Variants in IGSF3 observed in about 807,000 individuals in gnomAD.
The protein encoded by IGSF3 is glu-Trp-Ile EWI motif-containing protein 3.
A neutral mutation model predicts 114.4 loss-of-function variants in IGSF3; 23 were observed. The observed-to-expected ratio is 0.20, with a 90% CI of 0.14 to 0.28. IGSF3 has a LOEUF of 0.28. IGSF3 is among the 10% of genes least tolerant of loss of function. The pLI is 1.00. For synonymous variants in IGSF3, 571 were observed against 645.2 expected (o/e 0.88, Z 1.74); for missense variants, 1,172 against 1,591.5 (o/e 0.74, Z 4.48).
intron 2 of IGSF3, among the ~76,000 whole-genome samples, chr1:116,635,647 T>C (rs1485667735): frequency 4.6e-5 from 7 of 152,228 alleles, no homozygotes; most frequent in Non-Finnish European, 8.8e-5. Context: ...GCACAAAGAA[T>C]GTCATCTTCA....
In IGSF3 at chr1:116,584,074, AGC is replaced by A. The variant is rs1417550932; in HGVS notation, c.2848+569_2848+570del. Among the ~76,000 whole-genome samples the A allele has an allele frequency of 6.6e-6, 1 of 152,126 alleles. No homozygotes were observed. Among genetic ancestry groups the A allele is most frequent in the African/African-American group, 2.4e-5 (1 of 41,408 alleles). On this transcript the variant is annotated intron_variant, in intron 9 of 10. Coordinates refer to ENST00000369486, the MANE Select transcript of IGSF3 (RefSeq NM_001007237.3). This position sits in a 1 kb window ranked among gnomAD's most constrained non-coding sequence, Gnocchi z 5.8. Reference sequence around the variant, plus strand: ...TGTGGTGGCATGAGCCTGTAGTCCCAGCTACTTGGGAGACTGAGGCAGGAGAA... The same window carrying A: ...TGTGGTGGCATGAGCCTGTAGTCCCATACTTGGGAGACTGAGGCAGGAGAA...
chr1:116,596,960 CTA>C lies in IGSF3; in HGVS notation c.2029+2979_2029+2980del, dbSNP rs1414813365. On this transcript the variant is annotated intron_variant, in intron 7 of 10. Transcript: ENST00000369486. This position sits in a 1 kb window ranked among gnomAD's most constrained non-coding sequence, Gnocchi z 4.1. Reference sequence around the variant, plus strand: ...GTTGTTACTACCAGTAACACTAGTGCTATAACTCCTCCACATCATCAATCTAC... The same window carrying C: ...GTTGTTACTACCAGTAACACTAGTGCTAACTCCTCCACATCATCAATCTAC... Among the ~76,000 whole-genome samples the C allele has an allele frequency of 1.6e-4, 24 of 152,340 alleles. No homozygotes were observed. The highest frequency in any genetic ancestry group is 2.8e-4 in the Non-Finnish European group (19 of 68,020).
rs575601202 is a variant in IGSF3 at position 116,606,743 on chromosome 1, A to C, written c.1222+1199T>G. Among the ~76,000 whole-genome samples the C allele has an allele frequency of 7.9e-5, 12 of 152,330 alleles. No individual in the cohort carries two copies. In the South Asian group the frequency reaches 2.5e-3, roughly 32 times the overall value. On this transcript the variant is annotated intron_variant, in intron 5 of 10. Transcript: ENST00000369486. ...TTAAGGCAAGCACAGACTGACAGGA[A>C]AATAGTAAAGACAGTGGGCATTCAA...
Position 116,579,371 on chromosome 1 carries a change from C to A in IGSF3, c.3334+21G>T. On this transcript the variant is annotated intron_variant, in intron 10 of 10. Transcript: ENST00000369486. The surrounding 1 kb of genome is among the most constrained non-coding windows in gnomAD (Gnocchi z 6.4). Reference sequence around the variant, plus strand: ...GTTGGAACCAACAGTGACATCCTCCCTCTGTACTTGGGAAACTCACTTGTA... The same window carrying A: ...GTTGGAACCAACAGTGACATCCTCCATCTGTACTTGGGAAACTCACTTGTA... 6.5e-7 allele frequency: 1 copy of A among 1,533,682 alleles called. No homozygotes were observed. The highest frequency in any genetic ancestry group is 1.3e-5 in the South Asian group (1 of 77,720).
At position 116,593,038 on chromosome 1, in the gene IGSF3, C is replaced by A. The variant is rs1160171120; in HGVS notation, c.2030-3934G>T. ...CCTGTGCACTCTATTCAAGGAGGAGCAAGTGCTCAGGTGTAGTGGATGAGG... is the reference window on the plus strand; with the variant it reads ...CCTGTGCACTCTATTCAAGGAGGAGAAAGTGCTCAGGTGTAGTGGATGAGG... On this transcript the variant is annotated intron_variant, in intron 7 of 10. Coordinates refer to ENST00000369486, the MANE Select transcript of IGSF3 (RefSeq NM_001007237.3). This position sits in a 1 kb window ranked among gnomAD's most constrained non-coding sequence, Gnocchi z 4.5. Among the ~76,000 whole-genome samples, 2 of 152,194 alleles carry A rather than the reference C, an allele frequency of 1.3e-5. No individual in the cohort carries two copies. Among genetic ancestry groups the A allele is most frequent in the African/African-American group, 4.8e-5 (2 of 41,444 alleles).
intron 2 of IGSF3, among the ~76,000 whole-genome samples, chr1:116,630,307 TG>T (rs1647500134): frequency 6.6e-6 from 1 of 152,240 alleles, no homozygotes; most frequent in Non-Finnish European, 1.5e-5. Context: ...CACAATGAGA[TG>T]TAGTCTCCTG....
Position 116,577,467 on chromosome 1 carries a change from T to C in IGSF3, c.3430A>G (p.Ile1144Val), listed in dbSNP as rs1171629512. Residue 1144 changes from isoleucine (I) to valine (V), a missense_variant, in exon 11 of 11, where the codon ATC (isoleucine) becomes GTC (valine). Around this residue, in one of 3 missense-constraint regions of IGSF3, gnomAD observed 423 missense variants for 509.8 expected, o/e 0.83. Transcript: ENST00000369486. This position sits in a 1 kb window ranked among gnomAD's most constrained non-coding sequence, Gnocchi z 5.7. The part of the protein sequence containing the change: ...FPIFGILIIT[I>V]LLVRFKSRNS... ...CGGCTCTTGAAACGCACCAGAAGGA[T>C]GGTGATGATAAGAATGCCAAAGATG... The C allele has an allele frequency of 1.2e-6, 2 of 1,613,966 alleles. No individual in the cohort carries two copies. The highest frequency in any genetic ancestry group is 2.2e-5 in the East Asian group (1 of 44,870).
intron 2 of IGSF3, chr1:116,617,453 A>C (rs1486077501): frequency 1.2e-5 from 8 of 677,382 alleles, no homozygotes; most frequent in Non-Finnish European, 1.5e-5. Flanking sequence ...TTACAGGCGC[A>C]GCTTTGCCAC....
chr1:116,617,450 C>T (rs1213970849), intron 2 of IGSF3: 3 of 724,074 alleles, frequency 4.1e-6, no homozygotes, highest in African/African-American at 1.9e-5. Flanking sequence ...GAGTTACAGG[C>T]GCAGCTTTGC....
chr1:116,622,130 T>G (rs1215218876), intron 2 of IGSF3, among the ~76,000 whole-genome samples: 1 of 152,168 alleles, frequency 6.6e-6, no homozygotes, highest in African/African-American at 2.4e-5. Context: ...CCTCACCATT[T>G]TACATCTACT....
At position 116,666,277 on chromosome 1, in the gene IGSF3, C is replaced by A. The variant is rs1649328739; in HGVS notation, c.43+7G>T. On this transcript the variant is annotated splice_region_variant and intron_variant, in intron 2 of 10. Coordinates refer to ENST00000369486, the MANE Select transcript of IGSF3 (RefSeq NM_001007237.3). ...CATCGATTGCACTGATAAGCAGAGCCACTTACCCAGCACAGCCAGACAGCT... is the reference window on the plus strand; with the variant it reads ...CATCGATTGCACTGATAAGCAGAGCAACTTACCCAGCACAGCCAGACAGCT... The A allele has an allele frequency of 6.2e-7, 1 of 1,613,464 alleles. No homozygotes were observed. Among genetic ancestry groups the A allele is most frequent in the African/African-American group, 1.3e-5 (1 of 74,880 alleles).
Position 116,638,924 on chromosome 1 carries a change from G to A in IGSF3, c.44-22467C>T, listed in dbSNP as rs949042227. ...GGTCACGTGCAAAGTCTGCATGCAT[G>A]CTGAACCATTCCAGCTGCGCCACTG... On this transcript the variant is annotated intron_variant, in intron 2 of 10. Transcript: ENST00000369486. This position sits in a 1 kb window ranked among gnomAD's most constrained non-coding sequence, Gnocchi z 4.1. 6.6e-6 allele frequency among the ~76,000 whole-genome samples: 1 copy of A among 152,186 alleles called. No homozygotes were observed. Among genetic ancestry groups the A allele is most frequent in the African/African-American group, 2.4e-5 (1 of 41,440 alleles).
chr1:116,666,434 A>G lies in IGSF3; in HGVS notation c.-108T>C. On this transcript the variant is annotated 5_prime_UTR_variant, in exon 2 of 11. Transcript: ENST00000369486. Reference sequence around the variant, plus strand: ...AGCTCCAGAGAACAGTTTTGGAAATAGAACTTAACTCGGAAAATGGGAACA... The same window carrying G: ...AGCTCCAGAGAACAGTTTTGGAAATGGAACTTAACTCGGAAAATGGGAACA... 9.8e-7 allele frequency: 1 copy of G among 1,016,994 alleles called. No individual in the cohort carries two copies. Among genetic ancestry groups the G allele is most frequent in the Non-Finnish European group, 1.6e-6 (1 of 642,982 alleles). The allele number at this position is 1,016,994 out of a possible 1,614,324, so 63.0% of individuals were successfully genotyped here.
chr1:116,659,430 T>A (rs1290313247), intron 2 of IGSF3, among the ~76,000 whole-genome samples: 5 of 152,094 alleles, frequency 3.3e-5, no homozygotes. Context: ...TCCACAAATA[T>A]AAGCTTGATT....
At chr1:116,591,972 A>G (rs1660131674) in intron 7 of IGSF3, among the ~76,000 whole-genome samples, 2 of 152,282 alleles carry the variant, frequency 1.3e-5, no homozygotes, top group South Asian at 4.1e-4. Context: ...TATAACAAAC[A>G]CCCAGTGAAT....
chr1:116,667,424 A>G (rs972550910), intron 1 of IGSF3, among the ~76,000 whole-genome samples, 194 bp downstream of exon 1: 5 of 152,050 alleles, frequency 3.3e-5, no homozygotes, highest in South Asian at 2.1e-4. Flanking sequence ...GGGAGTCCGG[A>G]GCTCCGCTTT....
chr1:116,576,924 C>T lies in IGSF3; in HGVS notation c.*388G>A, dbSNP rs1473907755. 1 of 167,698 alleles carries T rather than the reference C, an allele frequency of 6.0e-6. No individual in the cohort carries two copies. The highest frequency in any genetic ancestry group is 1.3e-5 in the Non-Finnish European group (1 of 77,394). 10.4% of individuals were successfully genotyped at this position (167,698 alleles called of 1,614,324 possible). ...GTTGTACGTAAGAGAAATTCGTCCA[C>T]ATTAAGGAATCCAAAAAGGGTAAAC... On this transcript the variant is annotated 3_prime_UTR_variant, in exon 11 of 11. Transcript: ENST00000369486. The surrounding 1 kb of genome is among the most constrained non-coding windows in gnomAD (Gnocchi z 4.6).
intron 2 of IGSF3, among the ~76,000 whole-genome samples, chr1:116,656,263 G>A (rs1031760650): frequency 4.2e-4 from 64 of 150,988 alleles, no homozygotes; most frequent in African/African-American, 1.3e-3. Context: ...TAGACAAGGA[G>A]GGGAACTTTC....
chr1:116,666,406 T>A lies in IGSF3; in HGVS notation c.-80A>T, dbSNP rs1411560493. 12 of 1,295,282 alleles carry A rather than the reference T, an allele frequency of 9.3e-6. No individual in the cohort carries two copies. The highest frequency in any genetic ancestry group is 1.2e-5 in the Non-Finnish European group (11 of 889,436). 80.2% of individuals were successfully genotyped at this position (1,295,282 alleles called of 1,614,324 possible). A position where few individuals can be genotyped will look rare whatever the true frequency, so the allele number is the denominator to read the frequency against. On this transcript the variant is annotated 5_prime_UTR_variant, in exon 2 of 11. Coordinates refer to ENST00000369486, the MANE Select transcript of IGSF3 (RefSeq NM_001007237.3). ...AATCTCTCATTTCTGGCAATCCACT[T>A]ATAGCTCCAGAGAACAGTTTTGGAA...
Sources: gnomAD v4.1 joint callset for allele counts (sites outside exome capture counted in the v4.1 genomes callset) on GRCh38, gnomAD v4.1.1 for gene constraint, gnomAD v4.1.1 regional missense constraint, Gnocchi (gnomAD v3.1) non-coding constraint, MANE v1.5 for transcripts, NCBI Gene and HGNC (gene_info 2026-07-23, HGNC 2026-07-21) for gene names.